The following BCAR3 variants were observed in gnomAD, a reference collection of about 807,000 sequenced individuals.
BCAR3 encodes the protein BCAR3 adaptor protein, NSP family member, also known as breast cancer anti-estrogen resistance protein 3.
A neutral mutation model predicts 80.1 loss-of-function variants in BCAR3; 37 were observed. The ratio of observed to expected loss-of-function variants is 0.46; its 90% CI spans 0.36 to 0.61. The LOEUF is 0.61. BCAR3 is among the 20% of genes least tolerant of loss of function. The probability of loss-of-function intolerance (pLI) is 0.00; values close to 1 mark genes in which losing one functional copy is unlikely to be tolerated. For missense variants in BCAR3, 978 were observed against 1,068.2 expected (o/e 0.92, Z 1.18); for synonymous variants, 389 against 418.9 (o/e 0.93, Z 0.87).
At chr1:93,766,244 T>C (rs1466424106) in intron 2 of BCAR3, among the ~76,000 whole-genome samples, 1 of 152,206 alleles carries the variant, frequency 6.6e-6, no homozygotes, top group African/African-American at 2.4e-5. Flanking sequence ...ACCACATTGG[T>C]GACCCCTCCT....
intron 2 of BCAR3, among the ~76,000 whole-genome samples, chr1:93,813,699 T>C (rs1557696745): frequency 6.6e-6 from 1 of 152,242 alleles, no homozygotes; most frequent in Non-Finnish European, 1.5e-5. Flanking sequence ...TTCTGTTATG[T>C]AAACATATTA....
At chr1:93,587,300 A>C (rs952541789) in intron 5 of BCAR3, among the ~76,000 whole-genome samples, 1 of 152,178 alleles carries the variant, frequency 6.6e-6, no homozygotes, top group African/African-American at 2.4e-5. Flanking sequence ...TGCTGGGATT[A>C]CAGCTGTGAG....
At chr1:93,826,576 G>C (rs1654380027) in intron 2 of BCAR3, among the ~76,000 whole-genome samples, 1 of 152,212 alleles carries the variant, frequency 6.6e-6, no homozygotes, top group Non-Finnish European at 1.5e-5. Flanking sequence ...TGTGCAGGAA[G>C]TGATCCTCAT....
intron 2 of BCAR3, among the ~76,000 whole-genome samples, chr1:93,708,541 T>G (rs1649905352): frequency 6.6e-6 from 1 of 152,214 alleles, no homozygotes; most frequent in South Asian, 2.1e-4. Flanking sequence ...CAGTGTCCCA[T>G]TACTCTCAGA....
chr1:93,726,917 T>C (rs1192758208), intron 2 of BCAR3, among the ~76,000 whole-genome samples: 4 of 152,270 alleles, frequency 2.6e-5, no homozygotes, highest in African/African-American at 9.6e-5. Context: ...TCTTTCTACG[T>C]GTTTATCAAA....
At chr1:93,734,667 G>A (rs867531289) in intron 2 of BCAR3, among the ~76,000 whole-genome samples, 13 of 152,150 alleles carry the variant, frequency 8.5e-5, no homozygotes, top group Admixed American at 4.6e-4. Flanking sequence ...CCCCAGCAAC[G>A]TCGGCAAAGC....
intron 11 of BCAR3, among the ~76,000 whole-genome samples, chr1:93,563,722 T>C (rs998212846): frequency 9.2e-5 from 14 of 152,250 alleles, no homozygotes; most frequent in African/African-American, 2.4e-5. Flanking sequence ...AGAAGGAGTC[T>C]CGCTGTGTTG....
chr1:93,590,901 T>C (rs1167094739), intron 4 of BCAR3, among the ~76,000 whole-genome samples: 1 of 152,024 alleles, frequency 6.6e-6, no homozygotes, highest in Non-Finnish European at 1.5e-5. Flanking sequence ...GGGTGAAAAT[T>C]CCCAGGACAT....
intron 2 of BCAR3, among the ~76,000 whole-genome samples, chr1:93,769,782 C>T (rs895296241): frequency 6.6e-6 from 1 of 152,118 alleles, no homozygotes; most frequent in South Asian, 2.1e-4. Flanking sequence ...TAATAATACT[C>T]CATCAATGTG....
At chr1:93,833,943 T>A (rs149184683) in intron 2 of BCAR3, among the ~76,000 whole-genome samples, 2,851 of 152,248 alleles carry the variant, frequency 0.019, 107 homozygotes, top group African/African-American at 0.065. Flanking sequence ...GTCCATGAAA[T>A]CTTCAAAATT....
intron 2 of BCAR3, among the ~76,000 whole-genome samples, chr1:93,664,159 C>T (rs1008679681): frequency 1.3e-5 from 2 of 151,874 alleles, no homozygotes; most frequent in Admixed American, 6.6e-5. Flanking sequence ...GCTCTTGTTG[C>T]CCCAGGCTGG....
intron 2 of BCAR3, among the ~76,000 whole-genome samples, chr1:93,652,723 C>T (rs1031054413): frequency 3.9e-5 from 6 of 152,040 alleles, no homozygotes; most frequent in African/African-American, 1.5e-4. Flanking sequence ...CTACTTGCAA[C>T]GGAGGGTCTG....
chr1:93,763,188 A>G (rs1353071830), intron 2 of BCAR3, among the ~76,000 whole-genome samples: 1 of 152,112 alleles, frequency 6.6e-6, no homozygotes, highest in Non-Finnish European at 1.5e-5. Flanking sequence ...CTCAGCCTCC[A>G]GAGTAGCTAG....
At chr1:93,798,858 C>T (rs1288899825) in intron 2 of BCAR3, among the ~76,000 whole-genome samples, 1 of 152,114 alleles carries the variant, frequency 6.6e-6, no homozygotes, top group South Asian at 2.1e-4. Context: ...TAGAACTATA[C>T]AGCATACAGA....
intron 2 of BCAR3, among the ~76,000 whole-genome samples, chr1:93,667,139 C>T (rs1239650070): frequency 6.6e-6 from 1 of 152,244 alleles, no homozygotes; most frequent in Non-Finnish European, 1.5e-5. Flanking sequence ...GAATCAGCGT[C>T]AAGGTCACTA....
intron 3 of BCAR3, among the ~76,000 whole-genome samples, chr1:93,624,976 C>T (rs1238803575): frequency 3.3e-5 from 5 of 152,064 alleles, no homozygotes; most frequent in African/African-American, 7.2e-5. Context: ...TTTGGGAGGC[C>T]GAGGAGGGCG....
intron 2 of BCAR3, among the ~76,000 whole-genome samples, chr1:93,783,232 G>T (rs1409722542): frequency 3.3e-5 from 5 of 152,148 alleles, no homozygotes; most frequent in African/African-American, 4.8e-5. Context: ...CAGCACTATT[G>T]ACATGTTGGA....
At chr1:93,676,467 T>C (rs1167970288) in intron 1 of BCAR3, among the ~76,000 whole-genome samples, 1 of 152,188 alleles carries the variant, frequency 6.6e-6, no homozygotes, top group East Asian at 1.9e-4. Context: ...CCTCGGTTCA[T>C]TGTCAAATCC....
At chr1:93,742,248 T>A (rs1038785853) in intron 2 of BCAR3, among the ~76,000 whole-genome samples, 2 of 152,230 alleles carry the variant, frequency 1.3e-5, no homozygotes, top group African/African-American at 4.8e-5. Flanking sequence ...GACATTATGC[T>A]TGCTGGATTA....
Sources: allele counts gnomAD v4.1 joint callset (sites outside exome capture counted in the v4.1 genomes callset), GRCh38; gene constraint gnomAD v4.1.1; transcripts MANE v1.5; gene names NCBI Gene and HGNC (gene_info 2026-07-23, HGNC 2026-07-21).